DTNA: variants seen among roughly 807,000 people sequenced by gnomAD.
DTNA encodes dystrophin-related protein 3.
A neutral mutation model predicts 100.7 loss-of-function variants in DTNA; 43 were observed. The observed-to-expected ratio is 0.43, with a 90% CI of 0.33 to 0.55. The LOEUF is 0.55. Among genes scored for constraint, DTNA ranks in the 20% least tolerant of loss-of-function variants. The pLI, the probability that DTNA is intolerant of heterozygous loss-of-function variation, is 0.04. For synonymous variants in DTNA, 349 were observed against 347.9 expected, an observed-to-expected ratio of 1.00 and a Z score of -0.04; for missense variants, 798 against 953.9, an observed-to-expected ratio of 0.84 and a Z score of 2.15.
At chr18:34,674,514 G>T (rs754365762) in intron 1 of DTNA, among the ~76,000 whole-genome samples, 3 of 152,172 alleles carry the variant, frequency 2.0e-5, no homozygotes, top group Non-Finnish European at 4.4e-5. Flanking sequence ...TAATATGCTT[G>T]TGTCTGGGGT....
intron 9 of DTNA, among the ~76,000 whole-genome samples, chr18:34,822,940 A>G (rs562961448): frequency 1.3e-5 from 2 of 152,342 alleles, no homozygotes; most frequent in South Asian, 4.1e-4. Flanking sequence ...TTTTCCCAGG[A>G]TGAAAGTTTT....
In DTNA at chr18:34,858,371, C is replaced by T. The variant is rs769307040; in HGVS notation, c.1619C>T (p.Thr540Ile). 2 of 1,614,160 alleles carry T rather than the reference C, an allele frequency of 1.2e-6. No homozygotes were observed. Among genetic ancestry groups the T allele is most frequent in the Non-Finnish European group, 1.7e-6 (2 of 1,180,038 alleles). The change falls in exon 16 of 23, where the codon ACC becomes ATC. Residue 540 changes from threonine (T) to isoleucine (I), a missense_variant. This residue lies in a region of DTNA where 26 missense variants were observed against 55.0 expected (regional missense o/e 0.47). Coordinates refer to ENST00000444659, the MANE Select transcript of DTNA (RefSeq NM_001386795.1). ...CCAGAGAAGGCACAGCAAAACCCCACCCTGCTGGCAGAACTCCGGCTCCTC... is the reference window on the plus strand; with the variant it reads ...CCAGAGAAGGCACAGCAAAACCCCATCCTGCTGGCAGAACTCCGGCTCCTC... ...PTPEKAQQNP[T>I]LLAELRLLRQ...
chr18:34,817,396 G>A (rs1185506603), intron 7 of DTNA, among the ~76,000 whole-genome samples: 1 of 151,902 alleles, frequency 6.6e-6, no homozygotes, highest in Non-Finnish European at 1.5e-5. Context: ...ACAATTACTT[G>A]GATTTGATCA....
intron 1 of DTNA, among the ~76,000 whole-genome samples, chr18:34,503,526 T>G (rs2040168356): frequency 6.6e-6 from 1 of 151,972 alleles, no homozygotes; most frequent in African/African-American, 2.4e-5. Context: ...CCTCGTGATC[T>G]GCCCACCTCA....
At chr18:34,742,180 T>G (rs978605193) in intron 1 of DTNA, among the ~76,000 whole-genome samples, 117 of 152,312 alleles carry the variant, frequency 7.7e-4, no homozygotes, top group African/African-American at 2.5e-3. Context: ...CAATGTGATC[T>G]TGTGAAAGTT....
At chr18:34,699,498 G>T (rs1285595825) in intron 1 of DTNA, among the ~76,000 whole-genome samples, 1 of 152,118 alleles carries the variant, frequency 6.6e-6, no homozygotes, top group Non-Finnish European at 1.5e-5. Context: ...AAATACCCTT[G>T]CAAATACACC....
intron 1 of DTNA, among the ~76,000 whole-genome samples, chr18:34,496,205 AACAC>A (rs367764683): frequency 0.1 from 14,200 of 138,508 alleles, 750 homozygotes; most frequent in South Asian, 0.13. Context: ...CCCTCCCTGC[AACAC>A]ACACACACAC....
At chr18:34,738,735 T>C (rs2090104673) in intron 1 of DTNA, among the ~76,000 whole-genome samples, 2 of 152,194 alleles carry the variant, frequency 1.3e-5, no homozygotes, top group South Asian at 4.1e-4. Context: ...CCAGTCTGCT[T>C]AGTCATGCCT....
chr18:34,500,966 T>A (rs2039857849), intron 1 of DTNA, among the ~76,000 whole-genome samples: 1 of 152,248 alleles, frequency 6.6e-6, no homozygotes, highest in Non-Finnish European at 1.5e-5. Context: ...CTTGTCCTAT[T>A]GCACTGGCTA....
chr18:34,812,148 T>G, intron 6 of DTNA, 35 bp downstream of exon 6: 1 of 1,613,464 alleles, frequency 6.2e-7, no homozygotes, highest in South Asian at 1.1e-5. Flanking sequence ...AGTATCTCTT[T>G]CAAACAGTGG....
At chr18:34,575,664 C>A (rs533306042) in intron 1 of DTNA, among the ~76,000 whole-genome samples, 96 of 152,236 alleles carry the variant, frequency 6.3e-4, no homozygotes, top group African/African-American at 2.2e-3. Flanking sequence ...CTATCTATAG[C>A]TGTGTTTTAC....
At chr18:34,774,720 T>C (rs1330472257) in intron 3 of DTNA, among the ~76,000 whole-genome samples, 1 of 152,192 alleles carries the variant, frequency 6.6e-6, no homozygotes, top group Non-Finnish European at 1.5e-5. Flanking sequence ...TTTCAATATA[T>C]CACTCTCACC....
At position 34,674,850 on chromosome 18, in the gene DTNA, G is replaced by C. The variant is rs1296688090; in HGVS notation, c.-1-81126G>C. On this transcript the variant is annotated intron_variant, in intron 1 of 19. Transcript: ENST00000283365. ...TTATAAAGGGATAAGAAAATTCATG[G>C]TAATTTTAAATGATAACAGGTGCTG... 2.0e-5 allele frequency among the ~76,000 whole-genome samples: 3 copies of C among 152,148 alleles called. No homozygotes were observed. In the East Asian group the frequency reaches 5.8e-4, roughly 29 times the overall value.
chr18:34,878,640 T>A (rs1431181716), intron 19 of DTNA, among the ~76,000 whole-genome samples: 2 of 152,184 alleles, frequency 1.3e-5, no homozygotes, highest in Non-Finnish European at 2.9e-5. Context: ...AAATTTGAAT[T>A]TCAAACTGAA....
intron 1 of DTNA, among the ~76,000 whole-genome samples, chr18:34,499,404 A>AT (rs1178869194): frequency 6.6e-6 from 1 of 152,076 alleles, no homozygotes; most frequent in Non-Finnish European, 1.5e-5. Flanking sequence ...CATCTGGGTT[A>AT]TTTTTTTCCA....
chr18:34,825,532 GTGTGAGCCA>G (rs2095840864), intron 9 of DTNA, among the ~76,000 whole-genome samples: 2 of 152,194 alleles, frequency 1.3e-5, no homozygotes, highest in African/African-American at 2.4e-5. Context: ...AAAATTCCCA[GTGTGAGCCA>G]TTTGTTAGAT....
intron 1 of DTNA, among the ~76,000 whole-genome samples, chr18:34,662,227 A>G (rs979173450): frequency 6.6e-6 from 1 of 152,050 alleles, no homozygotes; most frequent in African/African-American, 2.4e-5. Context: ...GAGAGAGAAC[A>G]TATTTCTTGG....
chr18:34,620,655 A>G (rs1416487624), intron 1 of DTNA, among the ~76,000 whole-genome samples: 1 of 152,206 alleles, frequency 6.6e-6, no homozygotes, highest in Non-Finnish European at 1.5e-5. Flanking sequence ...AAGCAGGCAC[A>G]TCTCACATGC....
At chr18:34,802,418 C>T (rs1343759957) in intron 4 of DTNA, among the ~76,000 whole-genome samples, 4 of 152,236 alleles carry the variant, frequency 2.6e-5, no homozygotes, top group African/African-American at 9.6e-5. Context: ...GCTTCCTAGA[C>T]ACTTAACAGA....
Sources: allele counts gnomAD v4.1 joint callset (sites outside exome capture counted in the v4.1 genomes callset), GRCh38; gene constraint gnomAD v4.1.1; regional missense constraint gnomAD v4.1.1; transcripts MANE v1.5; gene names NCBI Gene and HGNC (gene_info 2026-07-23, HGNC 2026-07-21).